EPHA6: variants seen among roughly 807,000 people sequenced by gnomAD.
EPHA6 encodes the protein EPH receptor A6, also known as ephrin type-A receptor 6.
Under a neutral mutation model 112.0 loss-of-function variants are expected in EPHA6, and 50 were observed. The ratio of observed to expected loss-of-function variants is 0.45; its 90% CI spans 0.36 to 0.56. The LOEUF is 0.56. EPHA6 is among the 20% of genes least tolerant of loss of function. The pLI is 0.00. For missense variants in EPHA6, 1,280 were observed against 1,417.4 expected (o/e 0.90, Z 1.56); for synonymous variants, 529 against 490.7 (o/e 1.08, Z -1.03).
At chr3:97,507,270 T>C (rs2092272470) in intron 10 of EPHA6, among the ~76,000 whole-genome samples, 1 of 152,342 alleles carries the variant, frequency 6.6e-6, no homozygotes, top group Non-Finnish European at 1.5e-5. Flanking sequence ...TTCCAGCTTT[T>C]GCCCATTCAC....
At chr3:96,928,692 T>A (rs559312375) in intron 2 of EPHA6, among the ~76,000 whole-genome samples, 1 of 152,304 alleles carries the variant, frequency 6.6e-6, no homozygotes, top group African/African-American at 2.4e-5. Context: ...CCTCTCTTGA[T>A]GACTTGTTTA....
In EPHA6 at chr3:97,609,688, A is replaced by C. The variant is rs935898390; in HGVS notation, c.2513-1105A>C. Among the ~76,000 whole-genome samples, 28 of 151,606 alleles carry C rather than the reference A, an allele frequency of 1.8e-4. 1 individual carries two copies. The highest frequency in any genetic ancestry group is 1.3e-3 in the Admixed American group (19 of 15,178). On this transcript the variant is annotated intron_variant, in intron 12 of 17. Coordinates refer to ENST00000389672, the MANE Select transcript of EPHA6 (RefSeq NM_001080448.3). ...ATTGTACTAATTCGTAATAGTCACC[A>C]TCACCCTTTCTAACCCACAAGGCTT...
chr3:97,211,620 C>G (rs1576689760), intron 3 of EPHA6, among the ~76,000 whole-genome samples: 1 of 152,080 alleles, frequency 6.6e-6, no homozygotes, highest in East Asian at 1.9e-4. Flanking sequence ...GGCACTAATC[C>G]CATTTAGACT....
chr3:96,825,113 A>G (rs1365782925), intron 1 of EPHA6, among the ~76,000 whole-genome samples: 1 of 151,976 alleles, frequency 6.6e-6, no homozygotes, highest in African/African-American at 2.4e-5. Flanking sequence ...ATTAAGATGA[A>G]TGACTACTCC....
chr3:97,345,954 A>C (rs1205470838), intron 5 of EPHA6, among the ~76,000 whole-genome samples: 1 of 152,084 alleles, frequency 6.6e-6, no homozygotes, highest in Non-Finnish European at 1.5e-5. Context: ...CTTTTTCAAG[A>C]CTATCTTGAA....
chr3:97,740,339 C>T (rs1345355894), intron 16 of EPHA6, among the ~76,000 whole-genome samples: 1 of 152,134 alleles, frequency 6.6e-6, no homozygotes, highest in Non-Finnish European at 1.5e-5. Flanking sequence ...AGGTCCCCAG[C>T]ATGTCACTGA....
intron 2 of EPHA6, among the ~76,000 whole-genome samples, chr3:96,969,568 C>A (rs2042243035): frequency 6.6e-6 from 1 of 151,760 alleles, no homozygotes; most frequent in Non-Finnish European, 1.5e-5. Flanking sequence ...CATTAGTGGT[C>A]CAAAATATAA....
At chr3:96,996,302 T>C (rs375663341) in intron 3 of EPHA6, among the ~76,000 whole-genome samples, 5 of 152,090 alleles carry the variant, frequency 3.3e-5, no homozygotes, top group Admixed American at 2.0e-4. Flanking sequence ...AGGGTAGGTG[T>C]TAATTTCTTC....
chr3:97,538,435 A>G (rs1216585687), intron 11 of EPHA6, among the ~76,000 whole-genome samples: 2 of 152,192 alleles, frequency 1.3e-5, no homozygotes, highest in African/African-American at 4.8e-5. Context: ...TTATTTGGAC[A>G]TGCTAAGTTT....
intron 3 of EPHA6, among the ~76,000 whole-genome samples, chr3:97,038,290 C>G (rs1302268349): frequency 6.6e-6 from 1 of 151,702 alleles, no homozygotes; most frequent in Admixed American, 6.6e-5. Context: ...GCAGATTAAT[C>G]AATCCCTCTT....
At chr3:97,150,306 T>G (rs2076141456) in intron 3 of EPHA6, among the ~76,000 whole-genome samples, 1 of 152,146 alleles carries the variant, frequency 6.6e-6, no homozygotes, top group African/African-American at 2.4e-5. Context: ...ATCATCTAAG[T>G]TTCCTTTGTT....
intron 3 of EPHA6, among the ~76,000 whole-genome samples, chr3:97,023,295 G>A (rs1344386979): frequency 6.6e-6 from 1 of 152,120 alleles, no homozygotes; most frequent in Non-Finnish European, 1.5e-5. Context: ...TAGCCAGGAT[G>A]GTCTCGATCT....
chr3:96,968,404 A>G (rs757722965), intron 2 of EPHA6, among the ~76,000 whole-genome samples: 1 of 151,686 alleles, frequency 6.6e-6, no homozygotes, highest in Non-Finnish European at 1.5e-5. Flanking sequence ...ACACACACAC[A>G]CACACACACA....
At chr3:97,464,912 T>G (rs1221279663) in intron 7 of EPHA6, among the ~76,000 whole-genome samples, 1 of 152,116 alleles carries the variant, frequency 6.6e-6, no homozygotes, top group East Asian at 1.9e-4. Context: ...GATGCTCAAT[T>G]CTTTCTGGCA....
At chr3:97,320,358 T>C (rs1212240501) in intron 5 of EPHA6, among the ~76,000 whole-genome samples, 1 of 151,796 alleles carries the variant, frequency 6.6e-6, no homozygotes, top group Non-Finnish European at 1.5e-5. Context: ...TTCTGTGTGG[T>C]AAAACCTTAT....
chr3:97,123,686 T>G (rs1387215952), intron 3 of EPHA6, among the ~76,000 whole-genome samples: 5 of 152,106 alleles, frequency 3.3e-5, no homozygotes, highest in Non-Finnish European at 5.9e-5. Context: ...CCGTTGTGGA[T>G]TAGAGAAACA....
chr3:97,179,798 T>C (rs1016251996), intron 3 of EPHA6, among the ~76,000 whole-genome samples: 3 of 148,612 alleles, frequency 2.0e-5, no homozygotes, highest in African/African-American at 7.6e-5. Context: ...GTGTTACAAT[T>C]GCTTCTATGG....
intron 2 of EPHA6, among the ~76,000 whole-genome samples, chr3:96,881,420 TAAA>T (rs2037305869): frequency 6.6e-6 from 1 of 152,064 alleles, no homozygotes; most frequent in Non-Finnish European, 1.5e-5. Flanking sequence ...AGAAACCACT[TAAA>T]AAACTATCAG....
chr3:97,055,548 A>G (rs2045825034), intron 3 of EPHA6, among the ~76,000 whole-genome samples: 1 of 152,170 alleles, frequency 6.6e-6, no homozygotes, highest in South Asian at 2.1e-4. Flanking sequence ...GCAGACTGAC[A>G]CTAAAATAAA....
Sources: allele counts gnomAD v4.1 joint callset (sites outside exome capture counted in the v4.1 genomes callset), GRCh38; gene constraint gnomAD v4.1.1; transcripts MANE v1.5; gene names NCBI Gene and HGNC (gene_info 2026-07-23, HGNC 2026-07-21).